The following XRCC1 variants were observed in gnomAD, a reference collection of about 807,000 sequenced individuals.
The protein encoded by XRCC1 is X-ray repair cross complementing 1.
In XRCC1, 52 loss-of-function variants were observed where a neutral mutation model predicts 83.3. The ratio of observed to expected loss-of-function variants is 0.62; its 90% CI spans 0.50 to 0.79. The LOEUF (loss-of-function observed/expected upper bound fraction) is 0.79, where lower values mean the gene tolerates loss of function less well. Among genes scored for constraint, XRCC1 ranks in the 30% least tolerant of loss-of-function variants. The probability of loss-of-function intolerance (pLI) is 0.00; values close to 1 mark genes in which losing one functional copy is unlikely to be tolerated. For synonymous variants in XRCC1, 281 were observed against 312.6 expected (o/e 0.90, Z 1.07); for missense variants, 793 against 823.5 (o/e 0.96, Z 0.45).
intron 2 of XRCC1, among the ~76,000 whole-genome samples, chr19:43,569,580 C>T (rs548230071): frequency 4.6e-5 from 7 of 151,784 alleles, no homozygotes; most frequent in African/African-American, 1.5e-4. Flanking sequence ...GTCAGGAGTT[C>T]GAGACCAGCC....
At chr19:43,562,804 C>G (rs1362600624) in intron 2 of XRCC1, among the ~76,000 whole-genome samples, 1 of 152,212 alleles carries the variant, frequency 6.6e-6, no homozygotes, top group Non-Finnish European at 1.5e-5. Context: ...ACAACTATAA[C>G]CACAACTGCG....
At chr19:43,549,879 G>A (rs1041218491) in intron 10 of XRCC1, among the ~76,000 whole-genome samples, 3 of 152,090 alleles carry the variant, frequency 2.0e-5, no homozygotes, top group African/African-American at 7.2e-5. Context: ...ATCCAACACT[G>A]TTTGTCTTTT....
intron 2 of XRCC1, among the ~76,000 whole-genome samples, chr19:43,565,422 C>T (rs1972742702): frequency 6.6e-6 from 1 of 152,214 alleles, no homozygotes; most frequent in Non-Finnish European, 1.5e-5. Context: ...TCGGACGCAA[C>T]TGCCTGACTG....
intron 3 of XRCC1, among the ~76,000 whole-genome samples, chr19:43,556,038 G>A (rs1972632563): frequency 1.3e-5 from 2 of 152,012 alleles, no homozygotes; most frequent in East Asian, 1.9e-4. Flanking sequence ...AGAGATGCAC[G>A]ACACCACACC....
chr19:43,551,795 AT>A, intron 9 of XRCC1, 108 bp from the exon 10 acceptor site: 1 of 1,053,290 alleles, frequency 9.5e-7, no homozygotes, highest in Non-Finnish European at 1.5e-6. Flanking sequence ...AGACAGACAG[AT>A]CATGAGATTG....
At chr19:43,564,545 T>C (rs1164750008) in intron 2 of XRCC1, among the ~76,000 whole-genome samples, 3 of 152,050 alleles carry the variant, frequency 2.0e-5, no homozygotes, top group Non-Finnish European at 2.9e-5. Flanking sequence ...TCCCAGAACT[T>C]TGGGAGACTG....
intron 3 of XRCC1, 63 bp from the exon 4 acceptor site, chr19:43,554,867 G>C (rs1290839650): frequency 3.2e-6 from 5 of 1,555,668 alleles, no homozygotes; most frequent in Non-Finnish European, 4.4e-6. Context: ...AGAGCTTCTA[G>C]GGGCTGGGGA....
At chr19:43,563,086 C>T (rs1392009881) in intron 2 of XRCC1, among the ~76,000 whole-genome samples, 1 of 152,206 alleles carries the variant, frequency 6.6e-6, no homozygotes, top group African/African-American at 2.4e-5. Context: ...GGAGGAAGGG[C>T]CTGCCTAAGG....
At chr19:43,548,972 G>C (rs1972549518) in intron 10 of XRCC1, among the ~76,000 whole-genome samples, 1 of 152,054 alleles carries the variant, frequency 6.6e-6, no homozygotes, top group African/African-American at 2.4e-5. Flanking sequence ...AGACACAAAT[G>C]AATGTATTAG....
chr19:43,574,767 G>A, intron 2 of XRCC1, 143 bp downstream of exon 2: 1 of 670,416 alleles, frequency 1.5e-6, no homozygotes, highest in South Asian at 1.7e-5. Context: ...GGGGCACAGG[G>A]ATTATGCTGC....
chr19:43,552,850 GTCT>G lies in XRCC1; in HGVS notation c.767_769del (p.Lys256del), dbSNP rs777476390. ...CAGCTGGGCTGGTGGTTTGCTGGGG[GTCT>G]TCTTTTCTTCTTGGTTCAAATCCAA... On this transcript the variant is annotated inframe_deletion, in exon 8 of 17. Coordinates refer to ENST00000262887, the MANE Select transcript of XRCC1 (RefSeq NM_006297.3). 4.1e-5 allele frequency: 66 copies of G among 1,613,686 alleles called. No individual in the cohort carries two copies. In the Middle Eastern group the frequency reaches 6.6e-4, roughly 16 times the overall value.
chr19:43,568,432 G>A (rs1972774874), intron 2 of XRCC1, among the ~76,000 whole-genome samples: 1 of 152,038 alleles, frequency 6.6e-6, no homozygotes, highest in African/African-American at 2.4e-5. Flanking sequence ...GGGAGGGGGA[G>A]GTTGCAGTGA....
chr19:43,549,434 A>G (rs765156164), intron 10 of XRCC1, among the ~76,000 whole-genome samples: 7 of 151,786 alleles, frequency 4.6e-5, no homozygotes, highest in Non-Finnish European at 7.4e-5. Flanking sequence ...TAATTTTTGT[A>G]TTTTTTGGTA....
chr19:43,551,635 G>T lies in XRCC1; in HGVS notation c.1135C>A (p.Arg379Ser), dbSNP rs753502477. 4 of 1,614,220 alleles carry T rather than the reference G, an allele frequency of 2.5e-6. No individual in the cohort carries two copies. Among genetic ancestry groups the T allele is most frequent in the Non-Finnish European group, 3.4e-6 (4 of 1,180,046 alleles). Residue 379 changes from arginine to serine, a missense_variant, in exon 10 of 17, where the codon CGC (arginine) becomes AGC (serine). Arg to Ser is a moderately radical substitution (Grantham distance 110, BLOSUM62 -1). Coordinates refer to ENST00000262887, the MANE Select transcript of XRCC1 (RefSeq NM_006297.3). Reference sequence around the variant, plus strand: ...AGCACCCACTCCTTACGCACGATGCGGCCTCCCAGGCCTAGGACCTGGCTG... The same window carrying T: ...AGCACCCACTCCTTACGCACGATGCTGCCTCCCAGGCCTAGGACCTGGCTG... ...KYSQVLGLGG[R>S]IVRKEWVLDC... is the part of the protein sequence containing the mutation.
At chr19:43,550,184 T>C (rs1240720036) in intron 10 of XRCC1, among the ~76,000 whole-genome samples, 1 of 151,942 alleles carries the variant, frequency 6.6e-6, no homozygotes, top group Non-Finnish European at 1.5e-5. Flanking sequence ...ATGGCTGGCA[T>C]ACAGATTGTT....
At chr19:43,559,628 G>A (rs1972676866) in intron 3 of XRCC1, among the ~76,000 whole-genome samples, 1 of 152,080 alleles carries the variant, frequency 6.6e-6, no homozygotes, top group South Asian at 2.1e-4. Context: ...ATAGGAGACA[G>A]GCAGAATAAC....
At position 43,543,321 on chromosome 19, in the gene XRCC1, C is replaced by A; in HGVS notation, c.*71G>T. On this transcript the variant is annotated 3_prime_UTR_variant, in exon 17 of 17. Coordinates refer to ENST00000262887, the MANE Select transcript of XRCC1 (RefSeq NM_006297.3). ...TGGGAGACTCTTGGATGAGAACCAA[C>A]TCATCTTTATTAAATGCATCGTGTG... The A allele has an allele frequency of 6.9e-7, 1 of 1,445,450 alleles. No individual in the cohort carries two copies. The highest frequency in any genetic ancestry group is 1.8e-5 in the Admixed American group (1 of 56,488). 89.5% of individuals were successfully genotyped at this position (1,445,450 alleles called of 1,614,324 possible). A position where few individuals can be genotyped will look rare whatever the true frequency, so the allele number is the denominator to read the frequency against.
At chr19:43,549,723 A>AT (rs1288177801) in intron 10 of XRCC1, among the ~76,000 whole-genome samples, 5 of 151,126 alleles carry the variant, frequency 3.3e-5, no homozygotes, top group South Asian at 2.1e-4. Context: ...CACCTGGATA[A>AT]TTTTTTTCAT....
At chr19:43,554,328 T>C (rs1972613234) in intron 4 of XRCC1, among the ~76,000 whole-genome samples, 1 of 152,174 alleles carries the variant, frequency 6.6e-6, no homozygotes, top group South Asian at 2.1e-4. Context: ...GTGAACTCAG[T>C]AATCAGACGC....
Sources: allele counts gnomAD v4.1 joint callset (sites outside exome capture counted in the v4.1 genomes callset), GRCh38; gene constraint gnomAD v4.1.1; transcripts MANE v1.5; gene names NCBI Gene and HGNC (gene_info 2026-07-23, HGNC 2026-07-21).